DGKB: variants seen among roughly 807,000 people sequenced by gnomAD.
DGKB encodes the protein 90 kDa diacylglycerol kinase.
DGKB carries 67 observed loss-of-function variants against 114.3 expected under a neutral mutation model. That is an observed-to-expected ratio of 0.59 (90% CI 0.48 to 0.72). DGKB has a LOEUF of 0.72. DGKB is among the 30% of genes least tolerant of loss of function. DGKB has a pLI of 0.00. For synonymous variants in DGKB, 398 were observed against 323.1 expected, an observed-to-expected ratio of 1.23 and a Z score of -2.49; for missense variants, 907 against 975.2, an observed-to-expected ratio of 0.93 and a Z score of 0.93.
In DGKB at chr7:14,537,582, C is replaced by T. The variant is rs553539558; in HGVS notation, c.1770+36630G>A. On this transcript the variant is annotated intron_variant, in intron 20 of 25. Coordinates refer to ENST00000402815, the MANE Select transcript of DGKB (RefSeq NM_001350709.2). ...TGGTGTTTGTAAAATTAGATATCCC[C>T]CTCCAAAAGAATGAAATCAGACACT... Among the ~76,000 whole-genome samples the T allele has an allele frequency of 2.6e-5, 4 of 152,134 alleles. No individual in the cohort carries two copies. The East Asian group carries it at 5.8e-4, about 22-fold the overall frequency.
chr7:14,695,147 T>C (rs1437983989), intron 8 of DGKB, among the ~76,000 whole-genome samples: 3 of 152,218 alleles, frequency 2.0e-5, no homozygotes, highest in African/African-American at 4.8e-5. Context: ...CTAGACACTC[T>C]TGTGCTTGGT....
At chr7:14,518,270 T>C (rs1789172968) in intron 20 of DGKB, among the ~76,000 whole-genome samples, 1 of 152,014 alleles carries the variant, frequency 6.6e-6, no homozygotes, top group Admixed American at 6.6e-5. Flanking sequence ...CAAGTACGTA[T>C]GAACACAGAG....
chr7:14,168,915 A>G (rs896184063), intron 25 of DGKB, among the ~76,000 whole-genome samples: 19 of 152,222 alleles, frequency 1.2e-4, no homozygotes, highest in African/African-American at 3.9e-4. Context: ...GTATGTATTT[A>G]TATCTCATTG....
chr7:14,567,165 T>C (rs185863026), intron 20 of DGKB, among the ~76,000 whole-genome samples: 1,531 of 90,652 alleles, frequency 0.017, 24 homozygotes, highest in Non-Finnish European at 0.024. Flanking sequence ...CAATTATATT[T>C]ATATATATTA....
intron 13 of DGKB, among the ~76,000 whole-genome samples, chr7:14,631,307 A>G (rs1809664143): frequency 6.6e-6 from 1 of 151,228 alleles, no homozygotes; most frequent in Admixed American, 6.6e-5. Flanking sequence ...AATCTGAGAT[A>G]GGTAAAACCT....
At chr7:14,653,520 G>T (rs527381831) in intron 13 of DGKB, among the ~76,000 whole-genome samples, 2 of 152,172 alleles carry the variant, frequency 1.3e-5, no homozygotes, top group Admixed American at 1.3e-4. Context: ...TGGGGGTAGG[G>T]GGGAGGGATA....
chr7:14,961,497 C>T (rs868193566), intron 1 of DGKB, among the ~76,000 whole-genome samples: 9 of 152,202 alleles, frequency 5.9e-5, no homozygotes, highest in African/African-American at 2.2e-4. Context: ...CAGGGCCATG[C>T]CTATGGAGAT....
At chr7:14,749,524 A>C (rs1833824475) in intron 4 of DGKB, among the ~76,000 whole-genome samples, 1 of 152,174 alleles carries the variant, frequency 6.6e-6, no homozygotes, top group Non-Finnish European at 1.5e-5. Context: ...ACTACATTCT[A>C]CTAATTACAA....
chr7:14,551,784 T>C (rs563023977), intron 20 of DGKB, among the ~76,000 whole-genome samples: 2 of 152,288 alleles, frequency 1.3e-5, no homozygotes, highest in South Asian at 4.1e-4. Flanking sequence ...ATCACTGTTA[T>C]ACTCAGTAAG....
chr7:14,728,254 C>T lies in DGKB; in HGVS notation c.322+7787G>A, dbSNP rs549352094. 3.9e-5 allele frequency among the ~76,000 whole-genome samples: 6 copies of T among 152,192 alleles called. No homozygotes were observed. The East Asian group carries it at 9.7e-4, about 24-fold the overall frequency. ...AAATATCTTCTGGACCCTTTTATACCGTCAGCCTCATTCTCCTTCATGATA... is the reference window on the plus strand; with the variant it reads ...AAATATCTTCTGGACCCTTTTATACTGTCAGCCTCATTCTCCTTCATGATA... On this transcript the variant is annotated intron_variant, in intron 5 of 25. Coordinates refer to ENST00000402815, the MANE Select transcript of DGKB (RefSeq NM_001350709.2).
intron 8 of DGKB, 77 bp downstream of exon 8, chr7:14,698,017 GA>G: frequency 1.5e-6 from 1 of 676,448 alleles, no homozygotes; most frequent in Admixed American, 3.0e-5. Context: ...AAGAAAGAAA[GA>G]GAAAGAAAGA....
chr7:14,659,350 C>G (rs2128919704), intron 13 of DGKB, among the ~76,000 whole-genome samples: 1 of 152,170 alleles, frequency 6.6e-6, no homozygotes, highest in Non-Finnish European at 1.5e-5. Flanking sequence ...GATATTGATT[C>G]TTCCTACCCA....
chr7:14,535,480 G>C (rs1375804391), intron 20 of DGKB, among the ~76,000 whole-genome samples: 1 of 151,552 alleles, frequency 6.6e-6, no homozygotes, highest in Admixed American at 6.6e-5. Flanking sequence ...AAAAGAACAC[G>C]CTAAAGCCAT....
At chr7:14,406,184 G>A (rs939589937) in intron 21 of DGKB, among the ~76,000 whole-genome samples, 6 of 151,960 alleles carry the variant, frequency 3.9e-5, no homozygotes, top group Non-Finnish European at 7.4e-5. Context: ...ATGACTTCCA[G>A]TGACTGAACC....
At chr7:14,743,746 T>C (rs754984897) in intron 4 of DGKB, among the ~76,000 whole-genome samples, 6 of 152,202 alleles carry the variant, frequency 3.9e-5, no homozygotes, top group Admixed American at 2.6e-4. Context: ...TATTAAGTTA[T>C]TGTAAGCCAC....
At chr7:14,965,301 T>C (rs1005571890) in intron 1 of DGKB, among the ~76,000 whole-genome samples, 2 of 152,040 alleles carry the variant, frequency 1.3e-5, no homozygotes, top group Non-Finnish European at 2.9e-5. Flanking sequence ...CATAAGTATA[T>C]AGTTAAGAAT....
chr7:14,547,368 G>T (rs921876770), intron 20 of DGKB, among the ~76,000 whole-genome samples: 1 of 151,916 alleles, frequency 6.6e-6, no homozygotes, highest in Non-Finnish European at 1.5e-5. Context: ...GTAAGTAAAT[G>T]GAATAAAATG....
chr7:14,826,084 G>A (rs571990759), intron 2 of DGKB, among the ~76,000 whole-genome samples: 43 of 152,260 alleles, frequency 2.8e-4, no homozygotes, highest in Non-Finnish European at 4.4e-4. Flanking sequence ...GGGCTTGCAC[G>A]AAGTAGCAGT....
At chr7:14,590,915 A>G (rs1041894778) in intron 17 of DGKB, among the ~76,000 whole-genome samples, 4 of 152,062 alleles carry the variant, frequency 2.6e-5, no homozygotes, top group African/African-American at 4.8e-5. Context: ...CTCCGCCTGC[A>G]CTGTTCTGGC....
Sources: allele counts gnomAD v4.1 joint callset (sites outside exome capture counted in the v4.1 genomes callset), GRCh38; gene constraint gnomAD v4.1.1; transcripts MANE v1.5; gene names NCBI Gene and HGNC (gene_info 2026-07-23, HGNC 2026-07-21).